The following TMEM117 variants were observed in gnomAD, a reference collection of about 807,000 sequenced individuals.
TMEM117 encodes the protein transmembrane protein 117.
TMEM117 carries 27 observed loss-of-function variants against 52.4 expected under a neutral mutation model. That is an observed-to-expected ratio of 0.51 (90% CI 0.38 to 0.71). The LOEUF is 0.71. Ranked by LOEUF, TMEM117 falls within the 30% of genes least tolerant of loss-of-function variation. The pLI is 0.00. For missense variants in TMEM117, 556 were observed against 630.5 expected, an observed-to-expected ratio of 0.88 and a Z score of 1.26; for synonymous variants, 215 against 206.3, an observed-to-expected ratio of 1.04 and a Z score of -0.36.
At chr12:43,938,544 C>T (rs188774329) in intron 2 of TMEM117, among the ~76,000 whole-genome samples, 59 of 152,014 alleles carry the variant, frequency 3.9e-4, no homozygotes, top group African/African-American at 8.9e-4. Context: ...TAGGATAAGA[C>T]GCCACACTGA....
chr12:44,108,037 A>G (rs1947991573), intron 3 of TMEM117, among the ~76,000 whole-genome samples: 1 of 152,112 alleles, frequency 6.6e-6, no homozygotes, highest in Admixed American at 6.6e-5. Flanking sequence ...TCATTCTGAT[A>G]CTTTTTAGTA....
chr12:44,153,974 A>G (rs980743556), intron 4 of TMEM117, among the ~76,000 whole-genome samples: 2 of 152,044 alleles, frequency 1.3e-5, no homozygotes, highest in African/African-American at 4.8e-5. Context: ...TTTTCCTAAA[A>G]CTAAGTTTGG....
intron 5 of TMEM117, among the ~76,000 whole-genome samples, chr12:44,226,136 C>A (rs966660281): frequency 6.6e-6 from 1 of 152,188 alleles, no homozygotes; most frequent in South Asian, 2.1e-4. Context: ...AAAACATTTT[C>A]CCCCTTTGGG....
At chr12:43,817,348 T>A in the TMEM117 span, among the ~76,000 whole-genome samples, 1 of 152,224 alleles carries the variant, frequency 6.6e-6, no homozygotes, top group East Asian at 1.9e-4. Flanking sequence ...CTTGGGAGAA[T>A]AATGAGGATG....
At chr12:43,807,629 T>A in the TMEM117 span, among the ~76,000 whole-genome samples, 2 of 152,208 alleles carry the variant, frequency 1.3e-5, no homozygotes, top group Non-Finnish European at 2.9e-5. Flanking sequence ...CTTAAGGAAG[T>A]TGGCGTTGCT....
chr12:44,206,525 G>A (rs970112388), intron 4 of TMEM117, among the ~76,000 whole-genome samples: 1 of 152,148 alleles, frequency 6.6e-6, no homozygotes, highest in Non-Finnish European at 1.5e-5. Context: ...GATGTTTATT[G>A]CAGCACTATT....
chr12:43,933,367 A>AT (rs1184418726), intron 2 of TMEM117, among the ~76,000 whole-genome samples: 1 of 149,940 alleles, frequency 6.7e-6, no homozygotes, highest in South Asian at 2.1e-4. Flanking sequence ...CGCCCGGCTA[A>AT]TTTTTTTGTA....
intron 5 of TMEM117, among the ~76,000 whole-genome samples, chr12:44,292,999 C>G (rs1210505228): frequency 6.6e-6 from 1 of 151,788 alleles, no homozygotes; most frequent in Admixed American, 6.6e-5. Flanking sequence ...TCTGTATGAT[C>G]TATTCATTGT....
intron 6 of TMEM117, among the ~76,000 whole-genome samples, chr12:44,357,010 C>T (rs188774469): frequency 6.6e-6 from 1 of 152,220 alleles, no homozygotes; most frequent in East Asian, 1.9e-4. Flanking sequence ...ACACTGGCTC[C>T]TTCAGCTTCA....
At chr12:43,958,799 T>G (rs908640128) in intron 3 of TMEM117, among the ~76,000 whole-genome samples, 43 of 151,110 alleles carry the variant, frequency 2.8e-4, no homozygotes, top group African/African-American at 1.0e-3. Context: ...TGGTTTCTTT[T>G]TTTGTTAGTT....
chr12:44,227,628 A>G (rs1235648143), intron 5 of TMEM117, among the ~76,000 whole-genome samples: 3 of 152,134 alleles, frequency 2.0e-5, no homozygotes, highest in Admixed American at 1.3e-4. Flanking sequence ...ATACTTCTAT[A>G]TTTGAACAAT....
chr12:44,298,323 A>G (rs1401354613), intron 5 of TMEM117, among the ~76,000 whole-genome samples: 2 of 150,630 alleles, frequency 1.3e-5, no homozygotes, highest in Non-Finnish European at 2.9e-5. Flanking sequence ...GTGTTCTACA[A>G]TGTTATTTCA....
At chr12:44,387,908 A>T in intron 7 of TMEM117, 118 bp from the exon 8 acceptor site, 1 of 941,064 alleles carries the variant, frequency 1.1e-6, no homozygotes, top group Non-Finnish European at 1.5e-6. Flanking sequence ...ATTAATTGTT[A>T]ACCAGTCTGA....
At chr12:44,342,440 C>G (rs928176098) in intron 6 of TMEM117, among the ~76,000 whole-genome samples, 2 of 152,044 alleles carry the variant, frequency 1.3e-5, no homozygotes, top group Non-Finnish European at 2.9e-5. Flanking sequence ...CACAGACCAC[C>G]AAGTCCTGAA....
the TMEM117 span, among the ~76,000 whole-genome samples, chr12:43,803,181 A>G: frequency 6.6e-6 from 1 of 152,154 alleles, no homozygotes; most frequent in African/African-American, 2.4e-5. Flanking sequence ...TGAGCTATCA[A>G]AACTAATTGC....
At chr12:43,844,319 A>G (rs1038021212) in intron 1 of TMEM117, among the ~76,000 whole-genome samples, 8 of 152,148 alleles carry the variant, frequency 5.3e-5, no homozygotes, top group Non-Finnish European at 1.0e-4. Context: ...GGGCCTCTAC[A>G]TGTCATCTTG....
intron 3 of TMEM117, among the ~76,000 whole-genome samples, chr12:44,114,472 T>G (rs1427378791): frequency 2.0e-5 from 3 of 152,164 alleles, no homozygotes; most frequent in Admixed American, 6.5e-5. Context: ...TGAACCCAGA[T>G]CTCAAGAGAA....
At chr12:44,210,657 A>G (rs1309097071) in intron 4 of TMEM117, among the ~76,000 whole-genome samples, 1 of 152,180 alleles carries the variant, frequency 6.6e-6, no homozygotes, top group Non-Finnish European at 1.5e-5. Context: ...GTCAAGAACC[A>G]CAAGTTTTCT....
the TMEM117 span, among the ~76,000 whole-genome samples, chr12:43,796,479 A>G: frequency 6.6e-6 from 1 of 152,152 alleles, no homozygotes; most frequent in East Asian, 1.9e-4. Flanking sequence ...CCAAAATTCA[A>G]ATGTTTATGC....
Sources: allele counts gnomAD v4.1 joint callset (sites outside exome capture counted in the v4.1 genomes callset), GRCh38; gene constraint gnomAD v4.1.1; transcripts MANE v1.5; gene names NCBI Gene and HGNC (gene_info 2026-07-23, HGNC 2026-07-21).